Variants in RBBP7 observed in about 807,000 individuals in gnomAD.
RBBP7 encodes the protein histone-binding protein RBBP7.
In RBBP7, 5 loss-of-function variants were observed where a neutral mutation model predicts 35.2. The ratio of observed to expected loss-of-function variants is 0.14; its 90% CI spans 0.07 to 0.30. The LOEUF is 0.30. Ranked by LOEUF, RBBP7 falls within the 10% of genes least tolerant of loss-of-function variation. The probability of loss-of-function intolerance (pLI) is 1.00; values close to 1 mark genes in which losing one functional copy is unlikely to be tolerated. For synonymous variants in RBBP7, 140 were observed against 118.7 expected (o/e 1.18, Z -1.17); for missense variants, 155 against 327.5 (o/e 0.47, Z 4.07).
At chrX:16,853,265 C>T in intron 6 of RBBP7, 2 of 170,826 alleles carry the variant, frequency 1.2e-5, no homozygotes, top group Non-Finnish European at 2.2e-5. Flanking sequence ...TGTGGCCACA[C>T]CTTGATGAAA....
At chrX:16,847,202 G>A (rs1930101565) in intron 10 of RBBP7, 1 of 108,406 alleles carries the variant, frequency 9.2e-6, no homozygotes, top group Admixed American at 9.8e-5. Flanking sequence ...GCCGGGTGTG[G>A]TGGCTCACGC....
chrX:16,860,932 G>C (rs1930461386), intron 3 of RBBP7, among the ~76,000 whole-genome samples: 1 of 111,737 alleles, frequency 8.9e-6, no homozygotes, highest in African/African-American at 3.3e-5. Flanking sequence ...CCAGCACTTT[G>C]GGAAGTTTAG....
At chrX:16,867,880 T>C (rs1281773050) in intron 2 of RBBP7, among the ~76,000 whole-genome samples, 1 of 108,328 alleles carries the variant, frequency 9.2e-6, no homozygotes, top group East Asian at 2.9e-4. Flanking sequence ...AGATGGGATT[T>C]CACCTTGTTG....
chrX:16,847,863 G>C (rs1930118882), intron 10 of RBBP7: 1 of 110,957 alleles, frequency 9.0e-6, no homozygotes. Flanking sequence ...ACCATGCCCA[G>C]GCCCAGTTTA....
chrX:16,867,156 A>C (rs1209050275), intron 2 of RBBP7, among the ~76,000 whole-genome samples: 2 of 111,691 alleles, frequency 1.8e-5, no homozygotes, highest in Non-Finnish European at 3.8e-5. Flanking sequence ...CTTATGCTGC[A>C]CCAGGCACTT....
At chrX:16,850,458 T>G (rs1006534602) in intron 9 of RBBP7, among the ~76,000 whole-genome samples, 1 of 113,096 alleles carries the variant, frequency 8.8e-6, no homozygotes, top group Admixed American at 9.3e-5. Context: ...GCATCAGACT[T>G]CCAAACCTTG....
At chrX:16,850,951 G>A (rs1205880214) in intron 9 of RBBP7, among the ~76,000 whole-genome samples, 1 of 110,121 alleles carries the variant, frequency 9.1e-6, no homozygotes, top group African/African-American at 3.3e-5. Context: ...TATTTTTTTA[G>A]TAAAAAATAC....
At position 16,852,882 on chromosome X, in the gene RBBP7, C is replaced by T; in HGVS notation, c.759-7G>A. ...ATTGGACCTGGTGTCCCATCTAAAA[C>T]ACAAAGGTAAAGGCACACGGCACCC... On this transcript the variant is annotated splice_region_variant and splice_polypyrimidine_tract_variant and intron_variant, in intron 6 of 11. Transcript: ENST00000380087. The T allele has an allele frequency of 8.3e-7, 1 of 1,211,236 alleles. No homozygotes were observed. Among genetic ancestry groups the T allele is most frequent in the Non-Finnish European group, 1.1e-6 (1 of 895,442 alleles).
At chrX:16,864,864 T>C (rs997286872) in intron 2 of RBBP7, among the ~76,000 whole-genome samples, 9 of 108,984 alleles carry the variant, frequency 8.3e-5, no homozygotes, top group African/African-American at 1.3e-4. Flanking sequence ...GTAAAACCAT[T>C]AAAATTAGGC....
intron 6 of RBBP7, 190 bp downstream of exon 6, chrX:16,853,492 C>G: frequency 2.8e-6 from 1 of 351,187 alleles, no homozygotes; most frequent in South Asian, 1.1e-4. Flanking sequence ...TGTAGAGTCT[C>G]ACACTCCTGG....
intron 1 of RBBP7, chrX:16,869,507 A>C: frequency 8.6e-7 from 1 of 1,167,047 alleles, no homozygotes; most frequent in Non-Finnish European, 1.1e-6. Context: ...TTCTAAGATG[A>C]CGACCTGTAC....
chrX:16,862,526 A>G lies in RBBP7; in HGVS notation c.307+429T>C, dbSNP rs757272146. 9.1e-5 allele frequency among the ~76,000 whole-genome samples: 10 copies of G among 109,793 alleles called. 1 individual carries two copies. In the South Asian group the frequency reaches 3.9e-3, roughly 43 times the overall value. On this transcript the variant is annotated intron_variant, in intron 3 of 11. Transcript: ENST00000380087. Reference sequence around the variant, plus strand: ...TACCTTCCTATACCAGTGCCTACAGATTTTTCTCATTAAAAAAAAAAATTT... The same window carrying G: ...TACCTTCCTATACCAGTGCCTACAGGTTTTTCTCATTAAAAAAAAAAATTT...
chrX:16,857,355 T>C (rs1315561514), intron 5 of RBBP7, among the ~76,000 whole-genome samples: 1 of 111,914 alleles, frequency 8.9e-6, no homozygotes, highest in Non-Finnish European at 1.9e-5. Flanking sequence ...TTTTAAATAA[T>C]GGGAGGCCTT....
chrX:16,861,969 C>T (rs1268885981), intron 3 of RBBP7, among the ~76,000 whole-genome samples: 1 of 111,866 alleles, frequency 8.9e-6, no homozygotes, highest in African/African-American at 3.3e-5. Flanking sequence ...TTACTGGGTC[C>T]TCAGTTTGTA....
chrX:16,851,575 G>A (rs1248289277), intron 9 of RBBP7, among the ~76,000 whole-genome samples: 3 of 111,674 alleles, frequency 2.7e-5, no homozygotes, highest in Non-Finnish European at 5.6e-5. Context: ...GGCTGTCCTT[G>A]TCCCCTTCAC....
chrX:16,861,790 C>CTA (rs1020780449), intron 3 of RBBP7, among the ~76,000 whole-genome samples: 10 of 111,780 alleles, frequency 8.9e-5, no homozygotes, highest in African/African-American at 2.9e-4. Flanking sequence ...CACTGGGACC[C>CTA]TATTACTGAC....
At chrX:16,849,445 G>C in intron 9 of RBBP7, 144 bp from the exon 10 acceptor site, 1 of 453,286 alleles carries the variant, frequency 2.2e-6, no homozygotes, top group African/African-American at 2.5e-5. Context: ...AATCAATTAG[G>C]TTTTTTTTTT....
intron 3 of RBBP7, among the ~76,000 whole-genome samples, chrX:16,860,305 G>C (rs1268039641): frequency 9.6e-6 from 1 of 104,697 alleles, no homozygotes; most frequent in Admixed American, 1.0e-4. Flanking sequence ...GGGCTTCCAA[G>C]TAGGATTTAC....
In RBBP7 at chrX:16,844,394, C is replaced by T. The variant is rs1930010201; in HGVS notation, c.*641G>A. On this transcript the variant is annotated 3_prime_UTR_variant, in exon 12 of 12. Transcript: ENST00000380087. ...ACAGCCCACGTCTTTCATGAGGATA[C>T]GAATTGTTAAGAGGCAGTCTCGTTT... 1 of 112,162 alleles carries T rather than the reference C, an allele frequency of 8.9e-6. No homozygotes were observed. The allele number at this position is 112,162 out of a possible 1,213,427, so 9.2% of individuals were successfully genotyped here.
Sources: gnomAD v4.1 joint callset for allele counts (sites outside exome capture counted in the v4.1 genomes callset) on GRCh38, gnomAD v4.1.1 for gene constraint, MANE v1.5 for transcripts, NCBI Gene and HGNC (gene_info 2026-07-23, HGNC 2026-07-21) for gene names.